Variants in MYO16 observed in about 807,000 individuals in gnomAD.
The protein encoded by MYO16 is myosin XVI.
In MYO16, 94 loss-of-function variants were observed where a neutral mutation model predicts 205.3. The observed-to-expected ratio is 0.46, with a 90% confidence interval of 0.39 to 0.54. The LOEUF is 0.54. MYO16 is among the 20% of genes least tolerant of loss of function. The probability of loss-of-function intolerance (pLI) is 0.00; values close to 1 mark genes in which losing one functional copy is unlikely to be tolerated. For missense variants in MYO16, 2,315 were observed against 2,387.5 expected, an observed-to-expected ratio of 0.97 and a Z score of 0.63; for synonymous variants, 988 against 954.0, an observed-to-expected ratio of 1.04 and a Z score of -0.66.
intron 3 of MYO16, among the ~76,000 whole-genome samples, chr13:108,713,726 A>T (rs918447406): frequency 6.6e-6 from 1 of 152,252 alleles, no homozygotes; most frequent in African/African-American, 2.4e-5. Context: ...TTATACAGTC[A>T]GCAGAACAGA....
chr13:109,068,653 A>G (rs905874807), intron 27 of MYO16, among the ~76,000 whole-genome samples: 10 of 147,438 alleles, frequency 6.8e-5, no homozygotes, highest in African/African-American at 2.5e-4. Context: ...GTGCAATGGC[A>G]CAGTCTTGGC....
chr13:109,018,711 C>A (rs1290092827), intron 22 of MYO16, among the ~76,000 whole-genome samples: 1 of 152,178 alleles, frequency 6.6e-6, no homozygotes, highest in Non-Finnish European at 1.5e-5. Flanking sequence ...CCCGATTTTC[C>A]TGGTACAGTC....
the MYO16 span, among the ~76,000 whole-genome samples, chr13:108,506,921 TTTTC>T: frequency 6.6e-6 from 1 of 152,184 alleles, no homozygotes; most frequent in Non-Finnish European, 1.5e-5. Context: ...GCCAAATGCT[TTTTC>T]TTTATCAATT....
intron 27 of MYO16, among the ~76,000 whole-genome samples, chr13:109,062,136 G>C (rs565336766): frequency 6.6e-6 from 1 of 152,200 alleles, no homozygotes; most frequent in Non-Finnish European, 1.5e-5. Context: ...CTTTGCTTTT[G>C]TATATTTCCA....
At chr13:108,603,596 T>G (rs916715960) in intron 1 of MYO16, among the ~76,000 whole-genome samples, 1 of 152,190 alleles carries the variant, frequency 6.6e-6, no homozygotes, top group African/African-American at 2.4e-5. Flanking sequence ...ATTAACTTCT[T>G]CGGATGAACT....
chr13:108,729,461 G>T (rs993317190), intron 4 of MYO16, among the ~76,000 whole-genome samples: 1 of 152,012 alleles, frequency 6.6e-6, no homozygotes, highest in Admixed American at 6.6e-5. Flanking sequence ...AATGAGATAG[G>T]CTTGATTCAT....
intron 7 of MYO16, among the ~76,000 whole-genome samples, chr13:108,817,789 G>A (rs1875712606): frequency 1.3e-5 from 2 of 152,258 alleles, no homozygotes; most frequent in South Asian, 4.1e-4. Context: ...GGAAAAAATA[G>A]TACCACCAAC....
At chr13:108,687,411 C>A (rs901332052) in intron 2 of MYO16, among the ~76,000 whole-genome samples, 11 of 152,144 alleles carry the variant, frequency 7.2e-5, no homozygotes, top group Admixed American at 3.9e-4. Context: ...TAAACCAGAC[C>A]AGGCTTGTCA....
intron 5 of MYO16, among the ~76,000 whole-genome samples, chr13:108,789,479 C>A (rs572895985): frequency 3.5e-4 from 53 of 152,154 alleles, no homozygotes; most frequent in African/African-American, 1.3e-3. Flanking sequence ...TTGTTTAAGG[C>A]AGTTTATTTG....
At chr13:108,825,106 AG>A (rs1370408527) in intron 9 of MYO16, among the ~76,000 whole-genome samples, 1 of 152,130 alleles carries the variant, frequency 6.6e-6, no homozygotes, top group African/African-American at 2.4e-5. Context: ...TCAGATAAAA[AG>A]AAAACAACAA....
intron 1 of MYO16, among the ~76,000 whole-genome samples, chr13:108,599,543 A>G (rs1371220384): frequency 6.6e-6 from 1 of 152,180 alleles, no homozygotes. Context: ...TATCAGTCAT[A>G]GGTCACAGTC....
At chr13:108,720,632 C>G (rs1884127140) in intron 3 of MYO16, among the ~76,000 whole-genome samples, 1 of 152,136 alleles carries the variant, frequency 6.6e-6, no homozygotes, top group African/African-American at 2.4e-5. Flanking sequence ...ACATGACATT[C>G]ACGAAGACAA....
rs1877957453 is a variant in MYO16, at chr13:108,852,896, C to T, written c.1249-2547C>T. Reference sequence around the variant, plus strand: ...GTTAAGGTAGAAAAATATTCAAGAACTCACAGATTGGAAGATGTACAACTG... The same window carrying T: ...GTTAAGGTAGAAAAATATTCAAGAATTCACAGATTGGAAGATGTACAACTG... On this transcript the variant is annotated intron_variant, in intron 10 of 34. Transcript: ENST00000457511. Among the ~76,000 whole-genome samples the T allele has an allele frequency of 2.6e-5, 4 of 152,184 alleles. No individual in the cohort carries two copies. In the South Asian group the frequency reaches 8.3e-4, roughly 31 times the overall value.
intron 23 of MYO16, among the ~76,000 whole-genome samples, chr13:109,044,510 T>G (rs1566478413): frequency 6.6e-6 from 1 of 152,050 alleles, no homozygotes; most frequent in Non-Finnish European, 1.5e-5. Flanking sequence ...AAGCTAGGAA[T>G]AAAGTGAAAA....
intron 27 of MYO16, among the ~76,000 whole-genome samples, chr13:109,071,681 AAT>A (rs1444902845): frequency 6.6e-6 from 1 of 152,216 alleles, no homozygotes; most frequent in African/African-American, 2.4e-5. Flanking sequence ...ATTATTTAAC[AAT>A]AGAGTAAAAC....
chr13:108,568,366 T>C, the MYO16 span, among the ~76,000 whole-genome samples: 2 of 152,160 alleles, frequency 1.3e-5, no homozygotes, highest in African/African-American at 4.8e-5. Context: ...CTTATAATTG[T>C]CTGAGTTTTG....
In MYO16 at chr13:109,140,126, G is replaced by T. The variant is rs1233412991; in HGVS notation, c.4052-138G>T. On this transcript the variant is annotated intron_variant, in intron 31 of 34. Coordinates refer to ENST00000457511, the MANE Select transcript of MYO16 (RefSeq NM_001198950.3). The surrounding 1 kb of genome is among the most constrained non-coding windows in gnomAD (Gnocchi z 8.0). ...TCGGGTTCAGCCAGGGAGCCTAGTG[G>T]GTGGAGGAACATGCAGGCCCGGTCC... 7.1e-7 allele frequency: 1 copy of T among 1,413,216 alleles called. No individual in the cohort carries two copies. The highest frequency in any genetic ancestry group is 1.5e-5 in the South Asian group (1 of 68,926). The allele number at this position is 1,413,216 out of a possible 1,614,324, so 87.5% of individuals were successfully genotyped here. A position where few individuals can be genotyped will look rare whatever the true frequency, so the allele number is the denominator to read the frequency against.
intron 1 of MYO16, among the ~76,000 whole-genome samples, chr13:108,609,128 G>C (rs983929497): frequency 1.3e-5 from 2 of 152,114 alleles, no homozygotes; most frequent in African/African-American, 2.4e-5. Flanking sequence ...ACTCAAGCCT[G>C]TCTGCAGGCC....
intron 12 of MYO16, among the ~76,000 whole-genome samples, chr13:108,876,667 CTCTTT>C: frequency 1.0e-5 from 1 of 96,478 alleles, no homozygotes; most frequent in South Asian, 4.5e-4. Flanking sequence ...TATATTCTCT[CTCTTT>C]TTTTTTTTTT....
Sources: gnomAD v4.1 joint callset for allele counts (sites outside exome capture counted in the v4.1 genomes callset) on GRCh38, gnomAD v4.1.1 for gene constraint, Gnocchi (gnomAD v3.1) non-coding constraint, MANE v1.5 for transcripts, NCBI Gene and HGNC (gene_info 2026-07-23, HGNC 2026-07-21) for gene names.